EEF1AKMT2: variants seen among roughly 807,000 people sequenced by gnomAD.
EEF1AKMT2 encodes EEF1A lysine methyltransferase 2, also known as eukaryotic translation elongation factor 1 alpha lysine methyltransferase 2.
A neutral mutation model predicts 35.8 loss-of-function variants in EEF1AKMT2; 32 were observed. That is an observed-to-expected ratio of 0.89 (90% confidence interval 0.67 to 1.20). EEF1AKMT2 has a LOEUF of 1.20. Ranked by LOEUF, EEF1AKMT2 falls within the 50% of genes most tolerant of loss-of-function variation. EEF1AKMT2 has a pLI of 0.00. For synonymous variants in EEF1AKMT2, 121 were observed against 133.7 expected (o/e 0.91, Z 0.65); for missense variants, 330 against 347.5 (o/e 0.95, Z 0.40).
chr10:124,790,339 C>A lies in EEF1AKMT2; in HGVS notation c.111-1G>T. 6.2e-7 allele frequency: 1 copy of A among 1,606,332 alleles called. No individual in the cohort carries two copies. Among genetic ancestry groups the A allele is most frequent in the Non-Finnish European group, 8.5e-7 (1 of 1,173,028 alleles). On this transcript the variant is annotated splice_acceptor_variant, in intron 1 of 6. Coordinates refer to ENST00000368836, the MANE Select transcript of EEF1AKMT2 (RefSeq NM_212554.4). LOFTEE classifies it high-confidence loss of function. ...TTCTCTCTCATAGACAGCATCCCAA[C>A]TATGTAAACAATGAAATGCAAAGCA... is the stretch of plus-strand genomic sequence containing the variant.
intron 4 of EEF1AKMT2, among the ~76,000 whole-genome samples, chr10:124,772,633 G>A (rs532359021): frequency 4.0e-5 from 6 of 151,864 alleles, no homozygotes; most frequent in South Asian, 2.1e-4. Flanking sequence ...TCAGCATGTC[G>A]GCCAGGCTGG....
At chr10:124,774,952 A>G in intron 3 of EEF1AKMT2, 170 bp from the exon 4 acceptor site, 1 of 298,846 alleles carries the variant, frequency 3.3e-6, no homozygotes, top group Non-Finnish European at 6.2e-6. Flanking sequence ...ATAAAAACTG[A>G]AAGTGTATAT....
chr10:124,787,065 C>T (rs897809594), intron 3 of EEF1AKMT2, among the ~76,000 whole-genome samples: 5 of 95,694 alleles, frequency 5.2e-5, no homozygotes, highest in African/African-American at 2.1e-4. Context: ...CCTGCCTCAG[C>T]CTCCCGAGTA....
At chr10:124,768,667 T>C (rs1950401716) in intron 4 of EEF1AKMT2, among the ~76,000 whole-genome samples, 1 of 151,952 alleles carries the variant, frequency 6.6e-6, no homozygotes, top group Admixed American at 6.6e-5. Flanking sequence ...TGAGAATTGC[T>C]TGAACTCAGG....
intron 3 of EEF1AKMT2, among the ~76,000 whole-genome samples, chr10:124,784,338 C>A (rs1589792651): frequency 6.6e-6 from 1 of 151,312 alleles, no homozygotes; most frequent in African/African-American, 2.4e-5. Context: ...CTAAATAACT[C>A]GTGGATTAAA....
chr10:124,791,543 G>A (rs1950634497), intron 1 of EEF1AKMT2, among the ~76,000 whole-genome samples, 181 bp downstream of exon 1: 1 of 152,132 alleles, frequency 6.6e-6, no homozygotes, highest in African/African-American at 2.4e-5. Context: ...ACCGCGTAGG[G>A]CGACCCCTAG....
intron 3 of EEF1AKMT2, among the ~76,000 whole-genome samples, chr10:124,785,895 C>CAAAAAA (rs34637624): frequency 3.4e-5 from 2 of 59,472 alleles, no homozygotes; most frequent in Non-Finnish European, 2.9e-5. Flanking sequence ...GACTCTGTCT[C>CAAAAAA]AAAAAAAAAA....
intron 3 of EEF1AKMT2, among the ~76,000 whole-genome samples, chr10:124,781,900 T>C (rs1328296298): frequency 6.6e-6 from 1 of 152,096 alleles, no homozygotes; most frequent in Non-Finnish European, 1.5e-5. Flanking sequence ...ATAAAGGTAA[T>C]AGTAAAGACA....
At chr10:124,765,019 A>C (rs991676353) in intron 5 of EEF1AKMT2, among the ~76,000 whole-genome samples, 1 of 152,126 alleles carries the variant, frequency 6.6e-6, no homozygotes, top group South Asian at 2.1e-4. Context: ...CTCTCACCTC[A>C]GTCTCCTAAG....
In EEF1AKMT2 at chr10:124,770,558, G is replaced by C. The variant is rs554394986; in HGVS notation, c.399+4117C>G. 3.3e-5 allele frequency among the ~76,000 whole-genome samples: 5 copies of C among 152,292 alleles called. No homozygotes were observed. In the East Asian group the frequency reaches 9.6e-4, roughly 29 times the overall value. On this transcript the variant is annotated intron_variant, in intron 4 of 6. Transcript: ENST00000368836. ...CTGATCAAGGTATTGGTTGCTGAAG[G>C]CTGGGGTAGCTGTGAAAATTTCCTA...
chr10:124,779,871 G>A (rs1218094155), intron 3 of EEF1AKMT2, among the ~76,000 whole-genome samples: 1 of 150,424 alleles, frequency 6.6e-6, no homozygotes, highest in African/African-American at 2.4e-5. Flanking sequence ...GACCATCCTG[G>A]CTAACAGAGT....
chr10:124,765,055 C>T (rs930565455), intron 5 of EEF1AKMT2, among the ~76,000 whole-genome samples: 2 of 152,176 alleles, frequency 1.3e-5, no homozygotes, highest in African/African-American at 2.4e-5. Flanking sequence ...GCACGCGCCA[C>T]CAATCCCAGC....
chr10:124,775,631 A>G (rs1217723007), intron 3 of EEF1AKMT2, among the ~76,000 whole-genome samples: 2 of 152,152 alleles, frequency 1.3e-5, no homozygotes, highest in Non-Finnish European at 2.9e-5. Context: ...AACTTAACCT[A>G]CTGCCACATC....
rs1364110475 is a variant in EEF1AKMT2, at chr10:124,762,370, A to G, written c.805T>C (p.Ser269Pro). The G allele has an allele frequency of 2.4e-6, 3 of 1,269,680 alleles. No individual in the cohort carries two copies. The highest frequency in any genetic ancestry group is 1.5e-5 in the African/African-American group (1 of 65,466). The allele number at this position is 1,269,680 out of a possible 1,614,324, so 78.7% of individuals were successfully genotyped here. ...VVQAGLELLGSSDSPTWPPKV... is the reference protein window; with the variant it reads ...VVQAGLELLGPSDSPTWPPKV... ...GGAGGCCAGGTGGGAGAATCACTTG[A>G]GCCCAGGAGTTCCAGACCAGCCTGG... Residue 269 changes from serine to proline, a missense_variant, in exon 6 of 7, where the codon TCA becomes CCA. Physicochemically the swap from Ser to Pro is moderately conservative, Grantham distance 74 (BLOSUM62 -1). Coordinates refer to ENST00000368836, the MANE Select transcript of EEF1AKMT2 (RefSeq NM_212554.4).
Position 124,765,509 on chromosome 10 carries a change from T to A in EEF1AKMT2, c.499A>T (p.Ile167Phe), listed in dbSNP as rs756738117. 1.2e-6 allele frequency: 2 copies of A among 1,614,020 alleles called. No homozygotes were observed. The highest frequency in any genetic ancestry group is 2.2e-5 in the South Asian group (2 of 91,084). ...DAISLNPDNA[I>F]EKRKQYVKSL... ...TTCACATATTGCTTCCTCTTCTCAA[T>A]TGCATTGTCAGGATTAAGGCTTATG... is the stretch of plus-strand genomic sequence containing the variant. Residue 167 changes from isoleucine (I) to phenylalanine (F), a missense_variant, in exon 5 of 7, where the codon ATT becomes TTT. By Grantham distance (21) the Ile-to-Phe change is conservative (BLOSUM62 0). Coordinates refer to ENST00000368836, the MANE Select transcript of EEF1AKMT2 (RefSeq NM_212554.4).
At chr10:124,761,780 G>A (rs1485813772) in intron 6 of EEF1AKMT2, among the ~76,000 whole-genome samples, 1 of 152,116 alleles carries the variant, frequency 6.6e-6, no homozygotes, top group African/African-American at 2.4e-5. Flanking sequence ...AAAATAAGCC[G>A]TTGTGGTGGC....
At chr10:124,769,485 C>A (rs1046989591) in intron 4 of EEF1AKMT2, among the ~76,000 whole-genome samples, 7 of 151,918 alleles carry the variant, frequency 4.6e-5, no homozygotes, top group South Asian at 4.1e-4. Context: ...GCAGATTTTA[C>A]AAGCATCCCT....
chr10:124,778,728 A>AG (rs1209919309), intron 3 of EEF1AKMT2, among the ~76,000 whole-genome samples: 1 of 151,840 alleles, frequency 6.6e-6, no homozygotes, highest in East Asian at 1.9e-4. Context: ...GTACCAAAAA[A>AG]AAAAAAAAAG....
rs1446428424 is a variant in EEF1AKMT2, at chr10:124,758,267, C to T, written c.*2236G>A. Reference sequence around the variant, plus strand: ...TGTCACAGTTACCCACATATTTATACAATTTAACAATACTAAGTTAAATAA... The same window carrying T: ...TGTCACAGTTACCCACATATTTATATAATTTAACAATACTAAGTTAAATAA... On this transcript the variant is annotated 3_prime_UTR_variant, in exon 7 of 7. Coordinates refer to ENST00000368836, the MANE Select transcript of EEF1AKMT2 (RefSeq NM_212554.4). 1 of 152,166 alleles carries T rather than the reference C, an allele frequency of 6.6e-6. No individual in the cohort carries two copies. 9.4% of individuals were successfully genotyped at this position (152,166 alleles called of 1,614,324 possible).
Sources: gnomAD v4.1 joint callset for allele counts (sites outside exome capture counted in the v4.1 genomes callset) on GRCh38, gnomAD v4.1.1 for gene constraint, MANE v1.5 for transcripts, NCBI Gene and HGNC (gene_info 2026-07-23, HGNC 2026-07-21) for gene names.